The following APOO variants were observed in gnomAD, a reference collection of about 807,000 sequenced individuals.
The protein encoded by APOO is MICOS complex subunit MIC26.
In APOO, 11 loss-of-function variants were observed where a neutral mutation model predicts 23.1. The ratio of observed to expected loss-of-function variants is 0.48; its 90% CI spans 0.30 to 0.79. The LOEUF (loss-of-function observed/expected upper bound fraction) is 0.79. Ranked by LOEUF, APOO falls within the 30% of genes least tolerant of loss-of-function variation. The pLI is 0.07. For synonymous variants in APOO, 59 were observed against 54.8 expected, an observed-to-expected ratio of 1.08 and a Z score of -0.34; for missense variants, 160 against 142.7, an observed-to-expected ratio of 1.12 and a Z score of -0.62.
intron 1 of APOO, among the ~76,000 whole-genome samples, chrX:23,903,774 C>T (rs902239711): frequency 1.8e-5 from 2 of 111,586 alleles, no homozygotes; most frequent in African/African-American, 6.5e-5. Context: ...CCAAAACATA[C>T]CATTCTGTTG....
At chrX:23,893,694 G>A (rs1348653070) in intron 1 of APOO, among the ~76,000 whole-genome samples, 2 of 110,485 alleles carry the variant, frequency 1.8e-5, no homozygotes, top group Non-Finnish European at 3.8e-5. Context: ...TCAGCCTCCT[G>A]AGTAGCTGGA....
rs1927365444 is a variant in APOO at position 23,906,557 on chromosome X, C to T, written c.9+1137G>A. Among the ~76,000 whole-genome samples the T allele has an allele frequency of 2.7e-5, 3 of 112,450 alleles. No homozygotes were observed. The South Asian group carries it at 1.1e-3, about 41-fold the overall frequency. On this transcript the variant is annotated intron_variant, in intron 1 of 8. Transcript: ENST00000379226. ...CAGCATATCTTTCCTTGTTGTAACC[C>T]TGAAATGGAGCTGAGCTCCTAGCAC...
chrX:23,894,232 C>T (rs915375410), intron 1 of APOO, among the ~76,000 whole-genome samples: 1 of 108,558 alleles, frequency 9.2e-6, no homozygotes, highest in African/African-American at 3.4e-5. Context: ...GGAACCTCCG[C>T]CTCCCGGGTT....
intron 1 of APOO, among the ~76,000 whole-genome samples, chrX:23,903,231 T>C (rs1445246530): frequency 9.0e-6 from 1 of 110,703 alleles, no homozygotes; most frequent in Non-Finnish European, 1.9e-5. Context: ...TAGCTGGGCA[T>C]GGTGGCGCGC....
Position 23,858,872 on chromosome X carries a change from G to A in APOO, c.389-139C>T, listed in dbSNP as rs1357820230. ...TCCAAAAGCTCTGGGAGGCCGAGGC[G>A]GGAGGATCACTTGAGGCCAGGAGTT... On this transcript the variant is annotated intron_variant, in intron 5 of 8. Transcript: ENST00000379226. 19 of 484,792 alleles carry A rather than the reference G, an allele frequency of 3.9e-5. 2 individuals are homozygous for A. In the Admixed American group the frequency reaches 6.9e-4, roughly 18 times the overall value. 40.0% of individuals were successfully genotyped at this position (484,792 alleles called of 1,213,427 possible). A position where few individuals can be genotyped will look rare whatever the true frequency, so the allele number is the denominator to read the frequency against.
intron 1 of APOO, among the ~76,000 whole-genome samples, chrX:23,889,835 G>A (rs376450271): frequency 8.2e-5 from 9 of 109,346 alleles, no homozygotes; most frequent in Admixed American, 4.9e-4. Context: ...CTAATTTTTT[G>A]TATTTTTAGT....
At chrX:23,886,810 T>C (rs1306481783) in intron 1 of APOO, among the ~76,000 whole-genome samples, 1 of 111,766 alleles carries the variant, frequency 8.9e-6, no homozygotes, top group African/African-American at 3.2e-5. Context: ...CAAATGGCCA[T>C]CTTCGACACT....
chrX:23,858,637 C>G lies in APOO; in HGVS notation c.480+5G>C. ...GGACATCATGGATTACAGAGTTTCT[C>G]TTACCTGGGCAAACACGATGGCTTG... On this transcript the variant is annotated splice_donor_5th_base_variant and intron_variant, in intron 6 of 8. Coordinates refer to ENST00000379226, the MANE Select transcript of APOO (RefSeq NM_024122.5). The G allele has an allele frequency of 8.3e-7, 1 of 1,207,554 alleles. No individual in the cohort carries two copies. Among genetic ancestry groups the G allele is most frequent in the Non-Finnish European group, 1.1e-6 (1 of 893,140 alleles).
At position 23,868,582 on chromosome X, in the gene APOO, A is replaced by C. The variant is rs1569235026; in HGVS notation, c.388+11T>G. On this transcript the variant is annotated intron_variant, in intron 5 of 8. Coordinates refer to ENST00000379226, the MANE Select transcript of APOO (RefSeq NM_024122.5). The stretch of plus-strand genomic sequence containing the variant: ...ATGAGCTGACTGTTAAAGCCATAAA[A>C]TTGCACCTACCTCTAGCCAAAAGGA... The C allele has an allele frequency of 8.3e-7, 1 of 1,197,982 alleles. No homozygotes were observed. The highest frequency in any genetic ancestry group is 3.0e-5 in the East Asian group (1 of 33,761).
intron 5 of APOO, among the ~76,000 whole-genome samples, chrX:23,867,764 G>A (rs769350742): frequency 4.5e-5 from 5 of 111,116 alleles, no homozygotes; most frequent in Non-Finnish European, 7.6e-5. Context: ...GGATGGTCTC[G>A]ATCTCCTGAC....
intron 3 of APOO, 144 bp downstream of exon 3, chrX:23,878,771 A>T: frequency 1.4e-6 from 1 of 690,585 alleles, no homozygotes; most frequent in East Asian, 3.7e-5. Context: ...CCTTTCCCCC[A>T]GACCCCCACT....
chrX:23,887,395 G>A (rs371966026), intron 1 of APOO, among the ~76,000 whole-genome samples: 18 of 108,612 alleles, frequency 1.7e-4, no homozygotes, highest in Non-Finnish European at 3.1e-4. Flanking sequence ...CACCACATGC[G>A]GCTAATTTTT....
chrX:23,907,930 A>G lies in APOO; in HGVS notation c.-228T>C. 1 of 366,975 alleles carries G rather than the reference A, an allele frequency of 2.7e-6. No individual in the cohort carries two copies. Among genetic ancestry groups the G allele is most frequent in the South Asian group, 6.7e-5 (1 of 14,936 alleles). The allele number at this position is 366,975 out of a possible 1,213,427, so 30.2% of individuals were successfully genotyped here. On this transcript the variant is annotated 5_prime_UTR_variant, in exon 1 of 9. Transcript: ENST00000379226. ...GCGCGTCGCGCCCGGGCAGCGGGTG[A>G]ACGCAAACCCCGCCCTCCAGGAGGC...
In APOO at chrX:23,907,729, G is replaced by A. The variant is rs896718296; in HGVS notation, c.-27C>T. On this transcript the variant is annotated 5_prime_UTR_variant, in exon 1 of 9. Coordinates refer to ENST00000379226, the MANE Select transcript of APOO (RefSeq NM_024122.5). ...TCGCTGGCAGCGGAGGCTCCGGCAG[G>A]GTCACCCCGGCCTCGGCCACGCCCA... 1 of 1,158,525 alleles carries A rather than the reference G, an allele frequency of 8.6e-7. No individual in the cohort carries two copies. The highest frequency in any genetic ancestry group is 1.8e-5 in the African/African-American group (1 of 55,666).
chrX:23,898,478 G>A (rs955990453), intron 1 of APOO, among the ~76,000 whole-genome samples: 3 of 110,557 alleles, frequency 2.7e-5, no homozygotes, highest in African/African-American at 9.9e-5. Context: ...AACTGCCTTT[G>A]ACTTCATCTC....
chrX:23,875,759 AACAAGCTAT>A (rs2147012380), intron 3 of APOO, among the ~76,000 whole-genome samples: 1 of 110,891 alleles, frequency 9.0e-6, no homozygotes, highest in African/African-American at 3.3e-5. Context: ...TTCAAGTCAG[AACAAGCTAT>A]CCTCATTCTT....
chrX:23,856,513 T>C (rs925619037), intron 6 of APOO, 131 bp from the exon 7 acceptor site: 13 of 451,931 alleles, frequency 2.9e-5, no homozygotes, highest in African/African-American at 1.8e-4. Context: ...CTATGCATAA[T>C]AGCAAAACAT....
At chrX:23,884,774 G>A (rs1230742438) in intron 1 of APOO, among the ~76,000 whole-genome samples, 1 of 111,331 alleles carries the variant, frequency 9.0e-6, no homozygotes, top group East Asian at 2.8e-4. Context: ...CAGGAAAAGA[G>A]TAGATTTTAA....
chrX:23,891,846 C>G lies in APOO; in HGVS notation c.10-10894G>C, dbSNP rs113426829. On this transcript the variant is annotated intron_variant, in intron 1 of 8. Coordinates refer to ENST00000379226, the MANE Select transcript of APOO (RefSeq NM_024122.5). ...TATATAAACTATATGTATATATATA[C>G]TTATAGACTTATACATACTATATAT... Among the ~76,000 whole-genome samples, 682 of 108,437 alleles carry G rather than the reference C, an allele frequency of 6.3e-3. 9 individuals are homozygous for G. The highest frequency in any genetic ancestry group is 0.022 in the African/African-American group (653 of 30,045). The allele number at this position is 108,437 out of a possible 115,157, so 94.2% of individuals were successfully genotyped here.
Sources: allele counts gnomAD v4.1 joint callset (sites outside exome capture counted in the v4.1 genomes callset), GRCh38; gene constraint gnomAD v4.1.1; transcripts MANE v1.5; gene names NCBI Gene and HGNC (gene_info 2026-07-23, HGNC 2026-07-21).